The following CFAP46 variants were observed in gnomAD, a reference collection of about 807,000 sequenced individuals.
The protein encoded by CFAP46 is cilia and flagella associated protein 46.
Under a neutral mutation model 325.7 loss-of-function variants are expected in CFAP46, and 245 were observed. The ratio of observed to expected loss-of-function variants is 0.75; its 90% confidence interval spans 0.68 to 0.84. The LOEUF (loss-of-function observed/expected upper bound fraction) is 0.84, where lower values mean the gene tolerates loss of function less well. Among genes scored for constraint, CFAP46 ranks in the 40% least tolerant of loss-of-function variants. The pLI is 0.00. For synonymous variants in CFAP46, 1,523 were observed against 1,495.9 expected, an observed-to-expected ratio of 1.02 and a Z score of -0.42; for missense variants, 3,346 against 3,543.0, an observed-to-expected ratio of 0.94 and a Z score of 1.41.
At chr10:132,878,139 A>C (rs1591067524) in intron 29 of CFAP46, 52 bp from the exon 30 acceptor site, 2 of 1,500,760 alleles carry the variant, frequency 1.3e-6, no homozygotes, top group Non-Finnish European at 1.8e-6. Flanking sequence ...CCCACCGCCC[A>C]CTCTGCCCAC....
chr10:132,852,357 G>A (rs61862298), intron 39 of CFAP46, among the ~76,000 whole-genome samples: 4,866 of 67,750 alleles, frequency 0.072, no homozygotes, highest in Non-Finnish European at 0.093. Flanking sequence ...CCACAGACGT[G>A]GTATGTTCCT....
intron 23 of CFAP46, 94 bp from the exon 24 acceptor site, chr10:132,899,215 C>G: frequency 7.5e-7 from 1 of 1,339,504 alleles, no homozygotes; most frequent in Non-Finnish European, 1.0e-6. Context: ...GCCCAGGGCC[C>G]AGCCACACGC....
At chr10:132,924,382 C>T (rs1348096019) in intron 11 of CFAP46, among the ~76,000 whole-genome samples, 1 of 123,160 alleles carries the variant, frequency 8.1e-6, no homozygotes, top group Non-Finnish European at 1.7e-5. Flanking sequence ...GGCCCAAGTC[C>T]CACGGGGCCA....
At chr10:132,942,154 G>A (rs1355745686) in intron 1 of CFAP46, 50 bp from the exon 2 acceptor site, 13 of 1,546,916 alleles carry the variant, frequency 8.4e-6, no homozygotes, top group Non-Finnish European at 1.1e-5. Flanking sequence ...GCTGGGAGAA[G>A]TGAGCCGGGC....
intron 13 of CFAP46, among the ~76,000 whole-genome samples, chr10:132,921,105 C>T (rs1849716249): frequency 6.6e-6 from 1 of 152,252 alleles, no homozygotes. Context: ...CTGCCCATCT[C>T]CTCGTCTCAG....
At chr10:132,895,894 T>C in intron 24 of CFAP46, among the ~76,000 whole-genome samples, 1 of 145,706 alleles carries the variant, frequency 6.9e-6, no homozygotes, top group Admixed American at 6.9e-5. Context: ...TCTCTCCTTC[T>C]GTGTGCCACA....
At chr10:132,918,578 A>G in intron 15 of CFAP46, 58 bp from the exon 16 acceptor site, 1 of 1,476,980 alleles carries the variant, frequency 6.8e-7, no homozygotes, top group Non-Finnish European at 9.1e-7. Flanking sequence ...AAATAAAAAC[A>G]CAAGAATTCC....
chr10:132,815,884 G>C (rs1443660173), intron 50 of CFAP46, among the ~76,000 whole-genome samples: 1 of 152,156 alleles, frequency 6.6e-6, no homozygotes, highest in Non-Finnish European at 1.5e-5. Flanking sequence ...GAGGAGGTAG[G>C]CTGGCCTAGG....
chr10:132,822,968 CTG>C (rs1380877423), intron 50 of CFAP46, among the ~76,000 whole-genome samples: 2 of 119,258 alleles, frequency 1.7e-5, no homozygotes, highest in East Asian at 2.8e-4. Context: ...GTGATGTGTG[CTG>C]TGTGTGCAGT....
chr10:132,936,809 T>TCTCCCAGGCTCCTATTCTC, intron 7 of CFAP46, 152 bp downstream of exon 7: 1 of 420,334 alleles, frequency 2.4e-6, no homozygotes, highest in Non-Finnish European at 4.2e-6. Context: ...CACCCTGAGG[T>TCTCCCAGGCTCCTATTCTC]CTCCCAGGCT....
In CFAP46 at chr10:132,876,515, G is replaced by A. The variant is rs1320300121; in HGVS notation, c.4362+297C>T. ...GCTTCCGGCCTCCAGAACCATGAGGGGATCAATTTCTGTTGTTTTAACCAT... is the reference window on the plus strand; with the variant it reads ...GCTTCCGGCCTCCAGAACCATGAGGAGATCAATTTCTGTTGTTTTAACCAT... On this transcript the variant is annotated intron_variant, in intron 31 of 57. Transcript: ENST00000368586. The surrounding 1 kb of genome is among the most constrained non-coding windows in gnomAD (Gnocchi z 4.1). Among the ~76,000 whole-genome samples the A allele has an allele frequency of 6.6e-6, 1 of 152,194 alleles. No individual in the cohort carries two copies. Among genetic ancestry groups the A allele is most frequent in the Non-Finnish European group, 1.5e-5 (1 of 68,032 alleles).
chr10:132,860,422 TTCTA>T lies in CFAP46; in HGVS notation c.5189_5192del (p.Leu1730GlnfsTer5), dbSNP rs1848704551. ...TGTTTCTTACAAAGAGTTACCTGGC[TTCTA>T]GATCTGTGATCATGAATTCCAGTAA... On this transcript the variant is annotated frameshift_variant, in exon 37 of 58. Coordinates refer to ENST00000368586, the MANE Select transcript of CFAP46 (RefSeq NM_001200049.3). LOFTEE classifies it high-confidence loss of function. The T allele has an allele frequency of 2.1e-5, 32 of 1,549,138 alleles. No individual in the cohort carries two copies. Among genetic ancestry groups the T allele is most frequent in the Non-Finnish European group, 2.7e-5 (31 of 1,145,304 alleles).
intron 22 of CFAP46, 112 bp from the exon 23 acceptor site, chr10:132,899,778 G>C (rs1283326048): frequency 1.1e-5 from 13 of 1,229,586 alleles, no homozygotes; most frequent in Non-Finnish European, 1.4e-5. Flanking sequence ...CTAAGATGGG[G>C]CACCTCCTGG....
In CFAP46 at chr10:132,826,070, C is replaced by T. The variant is rs184470028; in HGVS notation, c.7117+7288G>A. On this transcript the variant is annotated intron_variant, in intron 50 of 57. Coordinates refer to ENST00000368586, the MANE Select transcript of CFAP46 (RefSeq NM_001200049.3). ...AGGAGCCGTAGCCACAGAGACCAGC[C>T]ACGGAGCCAGGCAGGAGCCGGAGCC... is the stretch of plus-strand genomic sequence containing the variant. 9.0e-3 allele frequency among the ~76,000 whole-genome samples: 1,253 copies of T among 139,356 alleles called. 30 individuals are homozygous for T. Among genetic ancestry groups the T allele is most frequent in the African/African-American group, 0.032 (1,149 of 35,514 alleles). 91.4% of individuals were successfully genotyped at this position (139,356 alleles called of 152,430 possible).
chr10:132,823,978 T>C (rs1847964374), intron 50 of CFAP46, among the ~76,000 whole-genome samples: 1 of 126,040 alleles, frequency 7.9e-6, no homozygotes, highest in Admixed American at 7.9e-5. Context: ...TGCTAATGTG[T>C]GCTGTGTGTG....
At position 132,836,887 on chromosome 10, in the gene CFAP46, G is replaced by A. The variant is rs1848258542; in HGVS notation, c.6466C>T (p.Gln2156Ter). 5 of 1,613,804 alleles carry A rather than the reference G, an allele frequency of 3.1e-6. No individual in the cohort carries two copies. The highest frequency in any genetic ancestry group is 1.3e-5 in the African/African-American group (1 of 74,958). ...KAWQNLCVTE[Q>*]HFNLLNEMPP... ...ATCTCATTCAAGAGGTTAAAATGCT[G>A]CTCAGTGACGCAGAGATTTTGCCAA... is the stretch of plus-strand genomic sequence containing the variant. The change falls in exon 45 of 58, where the codon CAG becomes TAG. Residue 2156 changes from glutamine (Q) to a stop codon, truncating the protein, a stop_gained. Coordinates refer to ENST00000368586, the MANE Select transcript of CFAP46 (RefSeq NM_001200049.3). LOFTEE classifies it high-confidence loss of function.
rs867120569 is a variant in CFAP46 at position 132,929,152 on chromosome 10, C to T, written c.966+553G>A. ...CCGATTATACTGTGATTTTTCTAGACGGAAATCCCTACGATAAACTTCAAT... is the reference window on the plus strand; with the variant it reads ...CCGATTATACTGTGATTTTTCTAGATGGAAATCCCTACGATAAACTTCAAT... On this transcript the variant is annotated intron_variant, in intron 9 of 57. Transcript: ENST00000368586. The T allele has an allele frequency of 7.4e-5, 20 of 269,832 alleles. 1 individual carries two copies. The highest frequency in any genetic ancestry group is 4.0e-4 in the South Asian group (5 of 12,540). 16.7% of individuals were successfully genotyped at this position (269,832 alleles called of 1,614,324 possible). A position where few individuals can be genotyped will look rare whatever the true frequency, so the allele number is the denominator to read the frequency against.
At chr10:132,860,750 G>C (rs897258444) in intron 36 of CFAP46, 32 bp downstream of exon 36, 1 of 1,546,410 alleles carries the variant, frequency 6.5e-7, no homozygotes, top group Admixed American at 2.0e-5. Context: ...CCCGGCACCC[G>C]ACATGCAGCC....
At chr10:132,934,480 C>G (rs1468653818) in intron 8 of CFAP46, among the ~76,000 whole-genome samples, 1 of 152,206 alleles carries the variant, frequency 6.6e-6, no homozygotes, top group African/African-American at 2.4e-5. Flanking sequence ...CACGCAGCCA[C>G]CAGAACCGTG....
Sources: allele counts gnomAD v4.1 joint callset (sites outside exome capture counted in the v4.1 genomes callset), GRCh38; gene constraint gnomAD v4.1.1; non-coding constraint Gnocchi (gnomAD v3.1); transcripts MANE v1.5; gene names NCBI Gene and HGNC (gene_info 2026-07-23, HGNC 2026-07-21).